The following SLC2A14 variants were observed in gnomAD, a reference collection of about 807,000 sequenced individuals.
SLC2A14 encodes the protein solute carrier family 2, facilitated glucose transporter member 14.
A neutral mutation model predicts 43.0 loss-of-function variants in SLC2A14; 13 were observed. That is an observed-to-expected ratio of 0.30 (90% CI 0.20 to 0.48). The LOEUF (loss-of-function observed/expected upper bound fraction) is 0.48, where lower values mean the gene tolerates loss of function less well. Among genes scored for constraint, SLC2A14 ranks in the 20% least tolerant of loss-of-function variants. SLC2A14 has a pLI of 0.99. For missense variants in SLC2A14, 428 were observed against 620.4 expected (o/e 0.69, Z 3.29); for synonymous variants, 190 against 233.8 (o/e 0.81, Z 1.71).
At chr12:7,874,852 T>A (rs374228869), upstream of SLC2A14, among the ~76,000 whole-genome samples, 19 of 78,558 alleles carry the variant, frequency 2.4e-4, no homozygotes, top group East Asian at 1.1e-3. Flanking sequence ...TATTTATATA[T>A]AAATTATATA....
At chr12:7,854,525 G>A (rs2120949657) in intron 2 of SLC2A14, among the ~76,000 whole-genome samples, 1 of 152,034 alleles carries the variant, frequency 6.6e-6, no homozygotes, top group South Asian at 2.1e-4. Flanking sequence ...GTTTCACTCT[G>A]GTTGCCCAGG....
In SLC2A14 at chr12:7,827,582, C is replaced by T. The variant is rs1043712; in HGVS notation, c.777G>A (p.Leu259=). 0.024 allele frequency: 38,142 copies of T among 1,593,610 alleles called. 4,568 individuals are homozygous for T. In the African/African-American group the frequency reaches 0.27, roughly 11 times the overall value. The change falls in exon 7 of 11, where the codon CTG becomes CTA. Residue 259 remains leucine (L), a synonymous_variant. Transcript: ENST00000431042. The part of the protein sequence containing the change: ...RMSQEKQVTV[L]ELFRVSSYRQ... ...GGTAGCTGGACACTCTAAAGAGCTCCAGCACGGTGACTTGCTTTTCTTGTG... is the reference window on the plus strand; with the variant it reads ...GGTAGCTGGACACTCTAAAGAGCTCTAGCACGGTGACTTGCTTTTCTTGTG...
At chr12:7,838,888 C>A (rs12314201) in intron 2 of SLC2A14, among the ~76,000 whole-genome samples, 1,575 of 152,180 alleles carry the variant, frequency 0.01, 38 homozygotes, top group South Asian at 0.061. Context: ...TAGGGTGGGG[C>A]TCTAGTCCAA....
chr12:7,879,824 G>A (rs1485563330), intron 1 of SLC2A14, among the ~76,000 whole-genome samples: 1 of 152,018 alleles, frequency 6.6e-6, no homozygotes, highest in African/African-American at 2.4e-5. Flanking sequence ...GGCCAACATG[G>A]TGAAACCCCA....
rs1555121672 is a variant in SLC2A14 at position 7,826,864 on chromosome 12, TC to T, written c.864+630del. Among the ~76,000 whole-genome samples, 15 of 40,604 alleles carry T rather than the reference TC, an allele frequency of 3.7e-4. 1 individual carries two copies. The highest frequency in any genetic ancestry group is 2.0e-3 in the Admixed American group (7 of 3,500). The allele number at this position is 40,604 out of a possible 152,430, so 26.6% of individuals were successfully genotyped here. On this transcript the variant is annotated intron_variant, in intron 7 of 10. Transcript: ENST00000431042. ...TTCCTTCCTTCCTTCCTTTCTTTTT[TC>T]TTTCTTTCTTTCTTTCTTTCTTTCT...
chr12:7,869,000 C>T (rs991399073), intron 2 of SLC2A14, among the ~76,000 whole-genome samples: 7 of 152,084 alleles, frequency 4.6e-5, no homozygotes, highest in African/African-American at 1.4e-4. Flanking sequence ...CAAAATTAGC[C>T]GGGCATGGTG....
intron 2 of SLC2A14, among the ~76,000 whole-genome samples, chr12:7,865,516 G>A (rs1181997300): frequency 1.3e-5 from 2 of 151,632 alleles, no homozygotes; most frequent in Admixed American, 1.3e-4. Context: ...CAGCCTGGGC[G>A]GCAGAGTGAG....
Position 7,848,790 on chromosome 12 carries a change from A to G in SLC2A14, c.19-15976T>C, listed in dbSNP as rs1397039581. Among the ~76,000 whole-genome samples, 4 of 151,978 alleles carry G rather than the reference A, an allele frequency of 2.6e-5. No homozygotes were observed. The East Asian group carries it at 7.7e-4, about 29-fold the overall frequency. ...AGGATGGTCTCGAACTCCTGACCTC[A>G]GGTGATCCACCCGCTTCGACCTCCC... On this transcript the variant is annotated intron_variant, in intron 2 of 10. Coordinates refer to ENST00000431042, the MANE Select transcript of SLC2A14 (RefSeq NM_001286234.2).
intron 2 of SLC2A14, among the ~76,000 whole-genome samples, chr12:7,869,483 AT>A (rs1180175790): frequency 6.6e-6 from 1 of 152,170 alleles, no homozygotes; most frequent in Admixed American, 6.5e-5. Flanking sequence ...TACTGTGTAC[AT>A]TCATATATTA....
At chr12:7,844,564 TCTCA>T (rs1866300784) in intron 2 of SLC2A14, among the ~76,000 whole-genome samples, 2 of 149,016 alleles carry the variant, frequency 1.3e-5, no homozygotes, top group Admixed American at 6.8e-5. Flanking sequence ...TTAGACAGGG[TCTCA>T]CTCTGTCACC....
At chr12:7,828,068 AT>A (rs200305058) in intron 6 of SLC2A14, among the ~76,000 whole-genome samples, 14 of 151,340 alleles carry the variant, frequency 9.3e-5, no homozygotes, top group Non-Finnish European at 1.2e-4. Context: ...TAAAAAAAAA[AT>A]ACAAATTAGA....
chr12:7,845,384 T>C (rs1353599906), intron 2 of SLC2A14, among the ~76,000 whole-genome samples: 1 of 152,178 alleles, frequency 6.6e-6, no homozygotes, highest in Non-Finnish European at 1.5e-5. Context: ...GTACTATGTA[T>C]GTCAACTGTA....
At chr12:7,869,979 C>T in intron 1 of SLC2A14, 42 bp from the exon 2 acceptor site, 1 of 1,284,712 alleles carries the variant, frequency 7.8e-7, no homozygotes, top group Middle Eastern at 1.9e-4. Context: ...ACTCCATCTA[C>T]TTAAGCTCCT....
At chr12:7,848,509 C>A (rs972611267) in intron 2 of SLC2A14, among the ~76,000 whole-genome samples, 1 of 151,782 alleles carries the variant, frequency 6.6e-6, no homozygotes, top group African/African-American at 2.4e-5. Context: ...ACCTAGTCAT[C>A]CTTGTCCCCG....
chr12:7,813,895 G>T lies in SLC2A14; in HGVS notation c.*421C>A. The T allele has an allele frequency of 5.0e-6, 1 of 198,190 alleles. No individual in the cohort carries two copies. The highest frequency in any genetic ancestry group is 1.1e-5 in the Non-Finnish European group (1 of 93,716). The allele number at this position is 198,190 out of a possible 1,614,324, so 12.3% of individuals were successfully genotyped here. On this transcript the variant is annotated 3_prime_UTR_variant, in exon 11 of 11. Transcript: ENST00000431042. ...AGAGCTGTATGGAAGTGAGGAAGGT[G>T]CTCTTACATAAACACCCTCCGGCTT...
intron 1 of SLC2A14, among the ~76,000 whole-genome samples, chr12:7,886,274 A>G (rs913455912): frequency 2.8e-5 from 4 of 145,380 alleles, no homozygotes; most frequent in Admixed American, 7.2e-5. Context: ...GGATCCTCCC[A>G]CCTCAGCCTC....
chr12:7,833,532 C>T (rs79666028), intron 2 of SLC2A14, among the ~76,000 whole-genome samples: 1 of 152,132 alleles, frequency 6.6e-6, no homozygotes, highest in Non-Finnish European at 1.5e-5. Flanking sequence ...TTTGGGAGGC[C>T]AAGGCAGGTG....
upstream of SLC2A14, among the ~76,000 whole-genome samples, chr12:7,875,209 A>G: frequency 7.7e-6 from 1 of 129,368 alleles, no homozygotes; most frequent in Non-Finnish European, 1.6e-5. Flanking sequence ...ATATATTTAT[A>G]TTTATATATT....
chr12:7,817,883 C>G lies in SLC2A14; in HGVS notation c.1223G>C (p.Cys408Ser). 1 of 1,614,120 alleles carries G rather than the reference C, an allele frequency of 6.2e-7. No homozygotes were observed. Among genetic ancestry groups the G allele is most frequent in the South Asian group, 1.1e-5 (1 of 91,082 alleles). ...TAGGAAGTTGGAGGTCCAGTTGGAGCAGCCGGCCACTGCCATCGCAGCTGG... is the reference window on the plus strand; with the variant it reads ...TAGGAAGTTGGAGGTCCAGTTGGAGGAGCCGGCCACTGCCATCGCAGCTGG... ...PRPAAMAVAG[C>S]SNWTSNFLVG... The change falls in exon 10 of 11, where the codon TGC (cysteine) becomes TCC (serine). Residue 408 changes from cysteine (C) to serine (S), a missense_variant. Around this residue, in one of 4 missense-constraint regions of SLC2A14, gnomAD observed 119 missense variants for 188.7 expected, o/e 0.63. Transcript: ENST00000431042.
Sources: gnomAD v4.1 joint callset for allele counts (sites outside exome capture counted in the v4.1 genomes callset) on GRCh38, gnomAD v4.1.1 for gene constraint, gnomAD v4.1.1 regional missense constraint, MANE v1.5 for transcripts, NCBI Gene and HGNC (gene_info 2026-07-23, HGNC 2026-07-21) for gene names.